The following OR7G2 variants were observed in gnomAD, a reference collection of about 807,000 sequenced individuals.
The protein encoded by OR7G2 is olfactory receptor 7G2.
For synonymous variants in OR7G2, 153 were observed against 152.2 expected (o/e 1.01, Z -0.04); for missense variants, 362 against 384.0 (o/e 0.94, Z 0.48).
intron 1 of OR7G2, among the ~76,000 whole-genome samples, chr19:9,105,680 C>T (rs1178338488): frequency 1.3e-5 from 2 of 151,916 alleles, no homozygotes; most frequent in Non-Finnish European, 1.5e-5. Context: ...AACCCCATGT[C>T]TATTAAAATT....
rs192446014 is a variant in OR7G2, at chr19:9,102,629, T to G, written c.615A>C (p.Ile205=). Residue 205 remains isoleucine (I), a synonymous_variant, in exon 2 of 2, where the codon ATA becomes ATC. Coordinates refer to ENST00000641081, the MANE Select transcript of OR7G2 (RefSeq NM_001005193.2). ...NNILIYFAAC[I]FGGVPLSGII... ...TTCCAGACAGAGGAACACCACCAAA[T>G]ATGCAAGCTGCAAAATATATCAGGA... The G allele has an allele frequency of 6.2e-7, 1 of 1,614,048 alleles. No individual in the cohort carries two copies. Among genetic ancestry groups the G allele is most frequent in the South Asian group, 1.1e-5 (1 of 91,080 alleles).
chr19:9,104,925 T>C (rs2050377590), intron 1 of OR7G2, among the ~76,000 whole-genome samples: 1 of 152,114 alleles, frequency 6.6e-6, no homozygotes, highest in Admixed American at 6.6e-5. Context: ...CCTACATTTC[T>C]TTTCTCTCTC....
In OR7G2 at chr19:9,102,738, C is replaced by T. The variant is rs1454687431; in HGVS notation, c.506G>A (p.Cys169Tyr). 4 of 1,614,056 alleles carry T rather than the reference C, an allele frequency of 2.5e-6. No homozygotes were observed. The highest frequency in any genetic ancestry group is 8.5e-7 in the Non-Finnish European group (1 of 1,179,998). The change falls in exon 2 of 2, where the codon TGC (cysteine) becomes TAC (tyrosine). Residue 169 changes from cysteine (C) to tyrosine (Y), a missense_variant. Cys to Tyr is a radical substitution (Grantham distance 194). Transcript: ENST00000641081. ...GAAGAGCGGGATTTCCAGGTCTGTG[C>T]AGAAGGACAGCCTCAACACCATCAG... ...LSLMVLRLSF[C>Y]TDLEIPLFFC...
intron 1 of OR7G2, among the ~76,000 whole-genome samples, chr19:9,105,028 T>C (rs1555709293): frequency 6.6e-6 from 1 of 151,594 alleles, no homozygotes; most frequent in Non-Finnish European, 1.5e-5. Context: ...TAGAATACAG[T>C]GGCGCGATCT....
rs766405170 is a variant in OR7G2 at position 9,100,955 on chromosome 19, T to C, written c.*1314A>G. The C allele has an allele frequency of 1.3e-5, 2 of 151,988 alleles. No individual in the cohort carries two copies. Among genetic ancestry groups the C allele is most frequent in the Non-Finnish European group, 2.9e-5 (2 of 68,024 alleles). The allele number at this position is 151,988 out of a possible 1,614,324, so 9.4% of individuals were successfully genotyped here. A position where few individuals can be genotyped will look rare whatever the true frequency, so the allele number is the denominator to read the frequency against. The stretch of plus-strand genomic sequence containing the variant: ...GGTTTTGAGACCAACCTGGGCAACA[T>C]AGCCAGAGTCCATCTCTACACCACA... On this transcript the variant is annotated 3_prime_UTR_variant, in exon 2 of 2. Transcript: ENST00000641081.
At chr19:9,106,940 C>T (rs2050389615) in intron 1 of OR7G2, among the ~76,000 whole-genome samples, 1 of 151,914 alleles carries the variant, frequency 6.6e-6, no homozygotes, top group African/African-American at 2.4e-5. Flanking sequence ...CACTGTGGCT[C>T]ACATCTATAA....
Position 9,102,245 on chromosome 19 carries a change from C to T in OR7G2, c.*24G>A, listed in dbSNP as rs770987409. 3 of 1,560,624 alleles carry T rather than the reference C, an allele frequency of 1.9e-6. No individual in the cohort carries two copies. Among genetic ancestry groups the T allele is most frequent in the Non-Finnish European group, 1.7e-6 (2 of 1,155,086 alleles). On this transcript the variant is annotated 3_prime_UTR_variant, in exon 2 of 2. Coordinates refer to ENST00000641081, the MANE Select transcript of OR7G2 (RefSeq NM_001005193.2). ...AAACAAAGAGTCAGGCATTCTAGCTCACCAGGAATCCTGTCACTTTGACTT... is the reference window on the plus strand; with the variant it reads ...AAACAAAGAGTCAGGCATTCTAGCTTACCAGGAATCCTGTCACTTTGACTT...
rs377637744 is a variant in OR7G2 at position 9,103,013 on chromosome 19, C to T, written c.231G>A (p.Thr77=). The change falls in exon 2 of 2, where the codon ACG becomes ACA. Residue 77 remains threonine (T), a synonymous_variant. Coordinates refer to ENST00000641081, the MANE Select transcript of OR7G2 (RefSeq NM_001005193.2). The part of the protein sequence containing the change: ...SFLDICLSTT[T]IPKMLVNIQA... ...GGATGTTCACCAGCATCTTTGGGAT[C>T]GTGGTTGTGCTTAAACAAATGTCCA... The T allele has an allele frequency of 2.5e-5, 41 of 1,614,072 alleles. No individual in the cohort carries two copies. The highest frequency in any genetic ancestry group is 2.2e-5 in the East Asian group (1 of 44,888).
In OR7G2 at chr19:9,102,583, T is replaced by C. The variant is rs770212648; in HGVS notation, c.661A>G (p.Ile221Val). ...GGCATTCTCAAAACACAGGAGGTGA[T>C]CTGAGTGTAAGACAAAATGATTCCA... ...LSGIILSYTQ[I>V]TSCVLRMPSA... Residue 221 changes from isoleucine to valine, a missense_variant, in exon 2 of 2, where the codon ATC becomes GTC. Coordinates refer to ENST00000641081, the MANE Select transcript of OR7G2 (RefSeq NM_001005193.2). 1.9e-6 allele frequency: 3 copies of C among 1,614,146 alleles called. 1 individual carries two copies. The highest frequency in any genetic ancestry group is 2.2e-5 in the South Asian group (2 of 91,076).
intron 1 of OR7G2, among the ~76,000 whole-genome samples, chr19:9,106,167 C>T (rs551083742): frequency 6.6e-6 from 1 of 152,188 alleles, no homozygotes; most frequent in East Asian, 1.9e-4. Flanking sequence ...CCTATAATCC[C>T]AGCACTTTGG....
Position 9,102,505 on chromosome 19 carries a change from T to C in OR7G2, c.739A>G (p.Ile247Val). ...AVSTCGSHLS[I>V]VLLFYGAGLG... The stretch of plus-strand genomic sequence containing the variant: ...CCTGCCCCATAGAACAAGAGAACAA[T>C]GGAGAGGTGAGACCCACAGGTGGAA... The change falls in exon 2 of 2, where the codon ATT (isoleucine) becomes GTT (valine). Residue 247 changes from isoleucine (I) to valine (V), a missense_variant. Physicochemically the swap from Ile to Val is conservative, Grantham distance 29 (BLOSUM62 3). Coordinates refer to ENST00000641081, the MANE Select transcript of OR7G2 (RefSeq NM_001005193.2). 1 of 1,613,978 alleles carries C rather than the reference T, an allele frequency of 6.2e-7. No homozygotes were observed. The highest frequency in any genetic ancestry group is 1.3e-5 in the African/African-American group (1 of 74,986).
chr19:9,103,895 G>C (rs557510136), intron 1 of OR7G2, among the ~76,000 whole-genome samples: 1 of 146,166 alleles, frequency 6.8e-6, no homozygotes, highest in African/African-American at 2.5e-5. Context: ...CGGGAGATAG[G>C]GTCTCACTCT....
chr19:9,103,995 A>G (rs1461583978), intron 1 of OR7G2, among the ~76,000 whole-genome samples: 2 of 150,922 alleles, frequency 1.3e-5, no homozygotes, highest in Non-Finnish European at 2.9e-5. Flanking sequence ...TCAGCCTCTC[A>G]AGTAGCTAGG....
Position 9,102,973 on chromosome 19 carries a change from T to C in OR7G2, c.271A>G (p.Ser91Gly), listed in dbSNP as rs764642468. ...GTGAGGCAGCCTGAGTACGTGATGCTCCGATTCTGAGCTTGGATGTTCACC... is the reference window on the plus strand; with the variant it reads ...GTGAGGCAGCCTGAGTACGTGATGCCCCGATTCTGAGCTTGGATGTTCACC... ...MLVNIQAQNR[S>G]ITYSGCLTQI... Residue 91 changes from serine to glycine, a missense_variant, in exon 2 of 2, where the codon AGC (serine) becomes GGC (glycine). Transcript: ENST00000641081. 14 of 1,614,032 alleles carry C rather than the reference T, an allele frequency of 8.7e-6. No individual in the cohort carries two copies. The highest frequency in any genetic ancestry group is 1.1e-5 in the Non-Finnish European group (13 of 1,180,034).
At chr19:9,106,064 G>A (rs4804098) in intron 1 of OR7G2, among the ~76,000 whole-genome samples, 44,522 of 151,902 alleles carry the variant, frequency 0.29, 7,316 homozygotes, top group East Asian at 0.59. Flanking sequence ...ATTCATGTGT[G>A]AATTATTCAG....
Position 9,102,612 on chromosome 19 carries a change from A to G in OR7G2, c.632T>C (p.Leu211Pro). The change falls in exon 2 of 2, where the codon CTG (leucine) becomes CCG (proline). Residue 211 changes from leucine (L) to proline (P), a missense_variant. Leu to Pro is a moderately conservative substitution (Grantham distance 98). Coordinates refer to ENST00000641081, the MANE Select transcript of OR7G2 (RefSeq NM_001005193.2). ...FAACIFGGVP[L>P]SGIILSYTQI... Reference sequence around the variant, plus strand: ...AGTGTAAGACAAAATGATTCCAGACAGAGGAACACCACCAAATATGCAAGC... The same window carrying G: ...AGTGTAAGACAAAATGATTCCAGACGGAGGAACACCACCAAATATGCAAGC... 6.2e-7 allele frequency: 1 copy of G among 1,614,196 alleles called. No homozygotes were observed. Among genetic ancestry groups the G allele is most frequent in the African/African-American group, 1.3e-5 (1 of 75,060 alleles).
At chr19:9,105,351 G>A (rs2050380245) in intron 1 of OR7G2, among the ~76,000 whole-genome samples, 1 of 151,910 alleles carries the variant, frequency 6.6e-6, no homozygotes, top group African/African-American at 2.4e-5. Context: ...AATAAAACAA[G>A]GTATAAAACA....
intron 1 of OR7G2, among the ~76,000 whole-genome samples, chr19:9,105,780 G>A (rs969878221): frequency 2.0e-5 from 3 of 151,900 alleles, no homozygotes; most frequent in African/African-American, 7.3e-5. Flanking sequence ...CCAGGAAATG[G>A]AGGTTGCAGT....
chr19:9,102,238 T>C lies in OR7G2; in HGVS notation c.*31A>G. ...CAAAACAAAACAAAGAGTCAGGCAT[T>C]CTAGCTCACCAGGAATCCTGTCACT... On this transcript the variant is annotated 3_prime_UTR_variant, in exon 2 of 2. Transcript: ENST00000641081. 1 of 1,551,984 alleles carries C rather than the reference T, an allele frequency of 6.4e-7. No homozygotes were observed. The highest frequency in any genetic ancestry group is 1.4e-5 in the African/African-American group (1 of 72,770).
Sources: gnomAD v4.1 joint callset for allele counts (sites outside exome capture counted in the v4.1 genomes callset) on GRCh38, gnomAD v4.1.1 for gene constraint, MANE v1.5 for transcripts, NCBI Gene and HGNC (gene_info 2026-07-23, HGNC 2026-07-21) for gene names.